The following ABCB9 variants were observed in gnomAD, a reference collection of about 807,000 sequenced individuals.
ABCB9 encodes ABC-type oligopeptide transporter ABCB9.
A neutral mutation model predicts 62.0 loss-of-function variants in ABCB9; 36 were observed. That is an observed-to-expected ratio of 0.58 (90% confidence interval 0.45 to 0.77). The LOEUF is 0.77. Among genes scored for constraint, ABCB9 ranks in the 30% least tolerant of loss-of-function variants. The pLI, the probability that ABCB9 is intolerant of heterozygous loss-of-function variation, is 0.00. For missense variants in ABCB9, 943 were observed against 1,054.7 expected (o/e 0.89, Z 1.47); for synonymous variants, 435 against 461.4 (o/e 0.94, Z 0.73).
At position 122,948,684 on chromosome 12, in the gene ABCB9, G is replaced by A; in HGVS notation, c.993C>T (p.Val331=). Residue 331 remains valine (V), a synonymous_variant, in exon 5 of 12, where the codon GTC becomes GTT. Coordinates refer to ENST00000280560, the MANE Select transcript of ABCB9 (RefSeq NM_019625.4). The part of the protein sequence containing the change: ...MFSLSWQLSL[V]TFMGFPIIMM... ...TGATGATGGGGAAGCCCATGAAGGT[G>A]ACCAAGGAGAGCTGCCATGAGAGGC... is the stretch of plus-strand genomic sequence containing the variant. 6.2e-7 allele frequency: 1 copy of A among 1,614,002 alleles called. No individual in the cohort carries two copies. The highest frequency in any genetic ancestry group is 8.5e-7 in the Non-Finnish European group (1 of 1,179,950).
chr12:122,948,211 T>C (rs2135849411), intron 5 of ABCB9: 1 of 154,492 alleles, frequency 6.5e-6, no homozygotes, highest in South Asian at 2.0e-4. Flanking sequence ...GTTCTGGGAT[T>C]ACAGGCATGA....
In ABCB9 at chr12:122,944,750, G is replaced by A. The variant is rs987468343; in HGVS notation, c.1252-231C>T. The A allele has an allele frequency of 2.0e-6, 1 of 497,040 alleles. No homozygotes were observed. The highest frequency in any genetic ancestry group is 1.9e-5 in the African/African-American group (1 of 51,922). 30.8% of individuals were successfully genotyped at this position (497,040 alleles called of 1,614,324 possible). A position where few individuals can be genotyped will look rare whatever the true frequency, so the allele number is the denominator to read the frequency against. On this transcript the variant is annotated intron_variant, in intron 6 of 11. Transcript: ENST00000280560. The surrounding 1 kb of genome is among the most constrained non-coding windows in gnomAD (Gnocchi z 4.9). ...GGAGCAGGCTGTGGGCTTGGCCACA[G>A]AACAAGGCTTTCTTTGTGAGGTCCT...
rs1365785194 is a variant in ABCB9 at position 122,930,997 on chromosome 12, G to C, written c.2041-826C>G. Among the ~76,000 whole-genome samples, 1 of 152,060 alleles carries C rather than the reference G, an allele frequency of 6.6e-6. No homozygotes were observed. Among genetic ancestry groups the C allele is most frequent in the African/African-American group, 2.4e-5 (1 of 41,388 alleles). On this transcript the variant is annotated intron_variant, in intron 11 of 11. Coordinates refer to ENST00000280560, the MANE Select transcript of ABCB9 (RefSeq NM_019625.4). This position sits in a 1 kb window ranked among gnomAD's most constrained non-coding sequence, Gnocchi z 4.9. Reference sequence around the variant, plus strand: ...ACTGTAGGACGGAGCTGCTAATCCAGGTATCCCCATTCTGTTTTTTGTTTT... The same window carrying C: ...ACTGTAGGACGGAGCTGCTAATCCACGTATCCCCATTCTGTTTTTTGTTTT...
downstream of ABCB9, among the ~76,000 whole-genome samples, chr12:122,927,391 TG>T (rs1424568128): frequency 6.6e-6 from 1 of 152,154 alleles, no homozygotes; most frequent in Non-Finnish European, 1.5e-5. Context: ...AGGCTGGTCT[TG>T]AACTCCTGAC....
intron 1 of ABCB9, among the ~76,000 whole-genome samples, chr12:122,974,284 C>G (rs1361193806): frequency 6.6e-6 from 1 of 152,162 alleles, no homozygotes; most frequent in African/African-American, 2.4e-5. Flanking sequence ...ACTGGGCAAT[C>G]AAGACGACTG....
At position 122,944,729 on chromosome 12, in the gene ABCB9, C is replaced by A. The variant is rs1331788431; in HGVS notation, c.1252-210G>T. On this transcript the variant is annotated intron_variant, in intron 6 of 11. Transcript: ENST00000280560. The surrounding 1 kb of genome is among the most constrained non-coding windows in gnomAD (Gnocchi z 4.9). ...TCCCTACAGAGGCCTCCAGCTGGAG[C>A]AGGCTGTGGGCTTGGCCACAGAACA... 14 of 590,306 alleles carry A rather than the reference C, an allele frequency of 2.4e-5. No homozygotes were observed. The highest frequency in any genetic ancestry group is 4.0e-5 in the Non-Finnish European group (14 of 352,652). The allele number at this position is 590,306 out of a possible 1,614,324, so 36.6% of individuals were successfully genotyped here. A position where few individuals can be genotyped will look rare whatever the true frequency, so the allele number is the denominator to read the frequency against.
Position 122,930,412 on chromosome 12 carries a change from CTTTTTTTTTT to C in ABCB9, c.2041-251_2041-242del, listed in dbSNP as rs397954994. On this transcript the variant is annotated intron_variant, in intron 11 of 11. Coordinates refer to ENST00000280560, the MANE Select transcript of ABCB9 (RefSeq NM_019625.4). This position sits in a 1 kb window ranked among gnomAD's most constrained non-coding sequence, Gnocchi z 4.9. ...TCTTCTGGTCCTTCCCTTCCCCCTC[CTTTTTTTTTT>C]TTTTTTTTTTTAAGTCTTGCTGTCA... 7.3e-6 allele frequency among the ~76,000 whole-genome samples: 1 copy of C among 136,642 alleles called. No homozygotes were observed. Among genetic ancestry groups the C allele is most frequent in the African/African-American group, 2.8e-5 (1 of 35,706 alleles). The allele number at this position is 136,642 out of a possible 152,430, so 89.6% of individuals were successfully genotyped here. A position where few individuals can be genotyped will look rare whatever the true frequency, so the allele number is the denominator to read the frequency against.
At position 122,940,034 on chromosome 12, in the gene ABCB9, G is replaced by A. The variant is rs538087354; in HGVS notation, c.1743+77C>T. Reference sequence around the variant, plus strand: ...CCATTTATCTCTAGTGCCCTCTTCCGCACCTGTTACAGCTCACAAGAAAGA... The same window carrying A: ...CCATTTATCTCTAGTGCCCTCTTCCACACCTGTTACAGCTCACAAGAAAGA... On this transcript the variant is annotated intron_variant, in intron 9 of 11. Coordinates refer to ENST00000280560, the MANE Select transcript of ABCB9 (RefSeq NM_019625.4). This position sits in a 1 kb window ranked among gnomAD's most constrained non-coding sequence, Gnocchi z 4.8. 20 of 1,513,572 alleles carry A rather than the reference G, an allele frequency of 1.3e-5. No homozygotes were observed. Among genetic ancestry groups the A allele is most frequent in the African/African-American group, 2.8e-5 (2 of 72,462 alleles). 93.8% of individuals were successfully genotyped at this position (1,513,572 alleles called of 1,614,324 possible). A position where few individuals can be genotyped will look rare whatever the true frequency, so the allele number is the denominator to read the frequency against.
chr12:122,946,302 T>G (rs984915430), intron 5 of ABCB9, 80 bp from the exon 6 acceptor site: 1 of 1,479,570 alleles, frequency 6.8e-7, no homozygotes, highest in African/African-American at 1.4e-5. Flanking sequence ...CCTCTCTGGG[T>G]TTTTCCACCC....
chr12:122,964,770 C>A lies in ABCB9; in HGVS notation c.-88+1517G>T, dbSNP rs1230782271. Among the ~76,000 whole-genome samples, 3 of 152,220 alleles carry A rather than the reference C, an allele frequency of 2.0e-5. No homozygotes were observed. The highest frequency in any genetic ancestry group is 1.9e-4 in the East Asian group (1 of 5,198). On this transcript the variant is annotated intron_variant, in intron 1 of 11. Transcript: ENST00000280560. The surrounding 1 kb of genome is among the most constrained non-coding windows in gnomAD (Gnocchi z 4.7). Reference sequence around the variant, plus strand: ...AAGGTGGTGGCCAGAATAGGCCCCACCCAGAACCGGACAAGGCCCAGGAAG... The same window carrying A: ...AAGGTGGTGGCCAGAATAGGCCCCAACCAGAACCGGACAAGGCCCAGGAAG...
At position 122,960,219 on chromosome 12, in the gene ABCB9, G is replaced by T. The variant is rs760367704; in HGVS notation, c.17C>A (p.Ala6Glu). Residue 6 changes from alanine (A) to glutamate (E), a missense_variant, in exon 2 of 12, where the codon GCG (alanine) becomes GAG (glutamate). Transcript: ENST00000280560. Reference protein sequence around the residue: MRLWKAVVVTLAFMSV... With the variant: MRLWKEVVVTLAFMSV... Reference sequence around the variant, plus strand: ...CATGAAGGCCAAAGTCACCACCACCGCCTTCCACAGCCGCATCCTGCTGGT... The same window carrying T: ...CATGAAGGCCAAAGTCACCACCACCTCCTTCCACAGCCGCATCCTGCTGGT... The T allele has an allele frequency of 1.2e-6, 2 of 1,611,342 alleles. No homozygotes were observed. Among genetic ancestry groups the T allele is most frequent in the African/African-American group, 2.7e-5 (2 of 74,900 alleles).
intron 3 of ABCB9, among the ~76,000 whole-genome samples, chr12:122,950,216 G>A (rs1473102052): frequency 1.3e-5 from 2 of 152,202 alleles, no homozygotes; most frequent in African/African-American, 4.8e-5. Context: ...AGCCAGGGAG[G>A]GTGAGCAGGG....
In ABCB9 at chr12:122,959,512, C is replaced by G. The variant is rs916535856; in HGVS notation, c.601+123G>C. The stretch of plus-strand genomic sequence containing the variant: ...AGATATGAGCCACTATGCCTGGCCT[C>G]TTTTCCTTTTCATATCAATTTGATG... On this transcript the variant is annotated intron_variant, in intron 2 of 11. Coordinates refer to ENST00000280560, the MANE Select transcript of ABCB9 (RefSeq NM_019625.4). The surrounding 1 kb of genome is among the most constrained non-coding windows in gnomAD (Gnocchi z 5.4). 1 of 1,468,638 alleles carries G rather than the reference C, an allele frequency of 6.8e-7. No individual in the cohort carries two copies. Among genetic ancestry groups the G allele is most frequent in the Non-Finnish European group, 9.1e-7 (1 of 1,099,008 alleles). The allele number at this position is 1,468,638 out of a possible 1,614,324, so 91.0% of individuals were successfully genotyped here.
In ABCB9 at chr12:122,959,005, G is replaced by A. The variant is rs954182049; in HGVS notation, c.601+630C>T. On this transcript the variant is annotated intron_variant, in intron 2 of 11. Transcript: ENST00000280560. The surrounding 1 kb of genome is among the most constrained non-coding windows in gnomAD (Gnocchi z 5.4). ...CCACCTTGGCCTCCCAAAGTGCTGG[G>A]ATTACAGGCGTGAGCCACCGCGCCT... 6.7e-6 allele frequency among the ~76,000 whole-genome samples: 1 copy of A among 150,192 alleles called. No homozygotes were observed. The highest frequency in any genetic ancestry group is 2.4e-5 in the African/African-American group (1 of 41,066).
At chr12:122,925,477 G>A (rs947035239), downstream of ABCB9, among the ~76,000 whole-genome samples, 8 of 152,096 alleles carry the variant, frequency 5.3e-5, no homozygotes, top group Admixed American at 2.6e-4. Context: ...GGCCGGGCGC[G>A]GTGGCTCATG....
upstream of ABCB9, among the ~76,000 whole-genome samples, chr12:122,969,185 C>CA (rs1336130543): frequency 7.0e-6 from 1 of 143,492 alleles, no homozygotes; most frequent in African/African-American, 2.6e-5. Flanking sequence ...CCCCCCCCCC[C>CA]CCCCCGGCTG....
intron 2 of ABCB9, among the ~76,000 whole-genome samples, chr12:122,953,339 A>C (rs1279665432): frequency 6.6e-6 from 1 of 151,946 alleles, no homozygotes; most frequent in Non-Finnish European, 1.5e-5. Flanking sequence ...CAGCCTCCCA[A>C]GTAGCTGAGA....
At chr12:122,926,624 C>T (rs1299541733), downstream of ABCB9, among the ~76,000 whole-genome samples, 2 of 151,832 alleles carry the variant, frequency 1.3e-5, no homozygotes, top group African/African-American at 4.8e-5. Context: ...CGTGGTGGCT[C>T]ATGCCTATAA....
rs772371928 is a variant in ABCB9, at chr12:122,960,092, C to T, written c.144G>A (p.Leu48=). 6.2e-7 allele frequency: 1 copy of T among 1,613,534 alleles called. No individual in the cohort carries two copies. The highest frequency in any genetic ancestry group is 8.5e-7 in the Non-Finnish European group (1 of 1,180,042). The part of the protein sequence containing the change: ...IRHFNIFDSV[L]DLWAACLYRS... ...GGTACAGGCAGGCTGCCCAGAGATC[C>T]AGCACCGAGTCAAAGATGTTGAAGT... The change falls in exon 2 of 12, where the codon CTG becomes CTA. Residue 48 remains leucine (L), a synonymous_variant. Coordinates refer to ENST00000280560, the MANE Select transcript of ABCB9 (RefSeq NM_019625.4).
Sources: gnomAD v4.1 joint callset for allele counts (sites outside exome capture counted in the v4.1 genomes callset) on GRCh38, gnomAD v4.1.1 for gene constraint, Gnocchi (gnomAD v3.1) non-coding constraint, MANE v1.5 for transcripts, NCBI Gene and HGNC (gene_info 2026-07-23, HGNC 2026-07-21) for gene names.